Variants in EML4 observed in about 807,000 individuals in gnomAD.
EML4 encodes the protein EMAP like 4, also known as echinoderm microtubule-associated protein-like 4.
Under a neutral mutation model 129.0 loss-of-function variants are expected in EML4, and 72 were observed. The observed-to-expected ratio is 0.56, with a 90% confidence interval of 0.46 to 0.68. The LOEUF (loss-of-function observed/expected upper bound fraction) is 0.68. Among genes scored for constraint, EML4 ranks in the 30% least tolerant of loss-of-function variants. EML4 has a pLI of 0.00. For missense variants in EML4, 1,363 were observed against 1,190.6 expected (o/e 1.14, Z -2.13); for synonymous variants, 532 against 405.0 (o/e 1.31, Z -3.77).
intron 1 of EML4, among the ~76,000 whole-genome samples, chr2:42,242,377 C>T (rs1437333419): frequency 6.6e-6 from 1 of 152,056 alleles, no homozygotes; most frequent in African/African-American, 2.4e-5. Context: ...GAATTTATTA[C>T]GTTACATAAT....
rs1436980903 is a variant in EML4, at chr2:42,320,290, A to G, written c.2154+2766A>G. 2.0e-5 allele frequency among the ~76,000 whole-genome samples: 3 copies of G among 151,928 alleles called. No individual in the cohort carries two copies. The South Asian group carries it at 6.2e-4, about 32-fold the overall frequency. On this transcript the variant is annotated intron_variant, in intron 19 of 22. Coordinates refer to ENST00000318522, the MANE Select transcript of EML4 (RefSeq NM_019063.5). ...GGTCACTGGAGTCCAGGAGTTTGACACCAGCCTGGGCAATTAACCAAGACC... is the reference window on the plus strand; with the variant it reads ...GGTCACTGGAGTCCAGGAGTTTGACGCCAGCCTGGGCAATTAACCAAGACC...
chr2:42,284,913 G>T (rs1667204153), intron 9 of EML4, among the ~76,000 whole-genome samples: 1 of 152,248 alleles, frequency 6.6e-6, no homozygotes, highest in East Asian at 1.9e-4. Context: ...AAAAATAAGT[G>T]TTCTCCCTTA....
chr2:42,199,662 G>A (rs1672103102), intron 1 of EML4, among the ~76,000 whole-genome samples: 1 of 152,200 alleles, frequency 6.6e-6, no homozygotes, highest in Admixed American at 6.5e-5. Context: ...AAGGTAGACT[G>A]AGGTTCTGTA....
intron 1 of EML4, among the ~76,000 whole-genome samples, chr2:42,188,716 G>A (rs1273497960): frequency 1.3e-5 from 2 of 152,064 alleles, no homozygotes; most frequent in African/African-American, 4.8e-5. Flanking sequence ...AGTAGAGATG[G>A]AGTTTCACCA....
intron 2 of EML4, among the ~76,000 whole-genome samples, chr2:42,247,597 G>T (rs764055870): frequency 5.3e-5 from 8 of 152,094 alleles, no homozygotes; most frequent in Non-Finnish European, 1.0e-4. Context: ...GGGCCTGAGG[G>T]TTTGGCAAAA....
chr2:42,206,107 C>T (rs12466981), intron 1 of EML4, among the ~76,000 whole-genome samples: 34,782 of 152,114 alleles, frequency 0.23, 4,636 homozygotes, highest in East Asian at 0.56. Context: ...GTTTGTACGA[C>T]ATTTTTAAAT....
intron 2 of EML4, among the ~76,000 whole-genome samples, chr2:42,255,736 C>G (rs540646458): frequency 2.6e-5 from 4 of 152,234 alleles, no homozygotes; most frequent in Admixed American, 2.0e-4. Flanking sequence ...GTAGGACTTA[C>G]GAATCTATAT....
At position 42,328,937 on chromosome 2, in the gene EML4, C is replaced by T; in HGVS notation, c.2393C>T (p.Ser798Phe). The T allele has an allele frequency of 3.7e-6, 6 of 1,613,494 alleles. No individual in the cohort carries two copies. The highest frequency in any genetic ancestry group is 5.1e-6 in the Non-Finnish European group (6 of 1,179,710). ...DGTDINALVRSHNRKVIAVAD... is the reference protein window; with the variant it reads ...DGTDINALVRFHNRKVIAVAD... ...ACAGATATCAATGCACTGGTGCGAT[C>T]CCACAATAGAAAGGTGATAGCTGTT... is the stretch of plus-strand genomic sequence containing the variant. Residue 798 changes from serine (S) to phenylalanine (F), a missense_variant, in exon 22 of 23, where the codon TCC (serine) becomes TTC (phenylalanine). Physicochemically the swap from Ser to Phe is radical, Grantham distance 155 (BLOSUM62 -2). Coordinates refer to ENST00000318522, the MANE Select transcript of EML4 (RefSeq NM_019063.5).
In EML4 at chr2:42,256,876, G is replaced by A. The variant is rs559285446; in HGVS notation, c.338+246G>A. On this transcript the variant is annotated intron_variant, in intron 3 of 22. Coordinates refer to ENST00000318522, the MANE Select transcript of EML4 (RefSeq NM_019063.5). ...AGAAAGAAAGCAGTTTCATTTCCTG[G>A]TTTTGTTTTGTTTCTTTGTAACAAG... Among the ~76,000 whole-genome samples the A allele has an allele frequency of 8.5e-5, 13 of 152,194 alleles. No individual in the cohort carries two copies. In the East Asian group the frequency reaches 2.3e-3, roughly 27 times the overall value.
At chr2:42,239,430 G>C (rs1307125110) in intron 1 of EML4, among the ~76,000 whole-genome samples, 1 of 152,144 alleles carries the variant, frequency 6.6e-6, no homozygotes, top group African/African-American at 2.4e-5. Flanking sequence ...AGCTATCATT[G>C]TATTCTTTAA....
At chr2:42,225,245 CT>C (rs757388886) in intron 1 of EML4, among the ~76,000 whole-genome samples, 10 of 152,026 alleles carry the variant, frequency 6.6e-5, no homozygotes, top group Non-Finnish European at 1.5e-4. Flanking sequence ...TGAGTCCACA[CT>C]TTCGGTTCTG....
intron 13 of EML4, among the ~76,000 whole-genome samples, chr2:42,299,372 A>G (rs12466769): frequency 0.66 from 100,925 of 152,082 alleles, 34,740 homozygotes; most frequent in African/African-American, 0.85. Context: ...CTCAGTAACA[A>G]CTTCGATATA....
chr2:42,258,520 C>T (rs1222090594), intron 3 of EML4, among the ~76,000 whole-genome samples: 1 of 152,102 alleles, frequency 6.6e-6, no homozygotes, highest in Non-Finnish European at 1.5e-5. Flanking sequence ...CCTGCTGCAG[C>T]ACCCGGAGTA....
In EML4 at chr2:42,234,328, A is replaced by G. The variant is rs573794896; in HGVS notation, c.26-11177A>G. On this transcript the variant is annotated intron_variant, in intron 1 of 22. Transcript: ENST00000318522. The stretch of plus-strand genomic sequence containing the variant: ...GAGAGCTGAGATTTGCTTTGAAACT[A>G]TCTGGGAAGGTGGTATTCCTACGCA... 2.0e-4 allele frequency among the ~76,000 whole-genome samples: 30 copies of G among 152,340 alleles called. 1 individual carries two copies. In the South Asian group the frequency reaches 5.6e-3, roughly 28 times the overall value.
chr2:42,172,471 GT>G (rs1670338653), intron 1 of EML4, among the ~76,000 whole-genome samples: 1 of 152,102 alleles, frequency 6.6e-6, no homozygotes, highest in Admixed American at 6.6e-5. Context: ...AAGTTACATG[GT>G]ACTGATTATG....
At chr2:42,325,597 TA>T (rs751122394) in intron 20 of EML4, 43 bp downstream of exon 20, 15 of 116,944 alleles carry the variant, frequency 1.3e-4, no homozygotes, top group South Asian at 7.4e-4. Flanking sequence ...ATGCTATGAT[TA>T]TATTTATATA....
chr2:42,248,733 GC>G (rs1262610483), intron 2 of EML4, among the ~76,000 whole-genome samples: 3 of 151,722 alleles, frequency 2.0e-5, no homozygotes, highest in Non-Finnish European at 2.9e-5. Flanking sequence ...AATTAACTTT[GC>G]TATTTTATAA....
intron 2 of EML4, among the ~76,000 whole-genome samples, chr2:42,254,617 GTTT>G (rs59855376): frequency 2.1e-5 from 3 of 145,582 alleles, no homozygotes; most frequent in Admixed American, 6.8e-5. Flanking sequence ...ACCCTCTTGA[GTTT>G]TTTTTTTTTT....
intron 1 of EML4, among the ~76,000 whole-genome samples, chr2:42,218,758 C>T (rs1673364387): frequency 6.6e-6 from 1 of 152,140 alleles, no homozygotes; most frequent in African/African-American, 2.4e-5. Context: ...TTTACTTTGA[C>T]CACAAGAATA....
Sources: gnomAD v4.1 joint callset for allele counts (sites outside exome capture counted in the v4.1 genomes callset) on GRCh38, gnomAD v4.1.1 for gene constraint, MANE v1.5 for transcripts, NCBI Gene and HGNC (gene_info 2026-07-23, HGNC 2026-07-21) for gene names.